Variants in RBFOX1 observed in about 807,000 individuals in gnomAD.
The protein encoded by RBFOX1 is RNA binding fox-1 homolog 1.
RBFOX1 carries 8 observed loss-of-function variants against 57.7 expected under a neutral mutation model. That is an observed-to-expected ratio of 0.14 (90% CI 0.08 to 0.25). RBFOX1 has a LOEUF of 0.25. RBFOX1 is among the 10% of genes least tolerant of loss of function. The pLI is 1.00. For synonymous variants in RBFOX1, 326 were observed against 222.4 expected, an observed-to-expected ratio of 1.47 and a Z score of -4.15; for missense variants, 611 against 548.5, an observed-to-expected ratio of 1.11 and a Z score of -1.14.
chr16:6,263,492 G>T (rs1297448996), intron 1 of RBFOX1, among the ~76,000 whole-genome samples: 1 of 152,128 alleles, frequency 6.6e-6, no homozygotes, highest in Admixed American at 6.5e-5. Flanking sequence ...GAGCAGTGCA[G>T]CCTCCATTTA....
chr16:5,775,810 AAAT>A (rs1384188003), intron 3 of RBFOX1, among the ~76,000 whole-genome samples: 3 of 152,252 alleles, frequency 2.0e-5, no homozygotes, highest in Non-Finnish European at 4.4e-5. Context: ...AGATGAAAGA[AAAT>A]AATTTCTGAC....
chr16:6,801,908 C>G (rs1012312514), intron 3 of RBFOX1, among the ~76,000 whole-genome samples: 1 of 151,992 alleles, frequency 6.6e-6, no homozygotes, highest in African/African-American at 2.4e-5. Flanking sequence ...AGATCTGAGT[C>G]CTGAGGACCT....
At chr16:7,408,052 A>T (rs1047549694) in intron 4 of RBFOX1, among the ~76,000 whole-genome samples, 4 of 152,350 alleles carry the variant, frequency 2.6e-5, no homozygotes, top group African/African-American at 9.6e-5. Context: ...CTTGCTTTAC[A>T]CAACTGGATG....
At chr16:6,043,118 C>CCGAAAAAAA (rs2095456683) in intron 1 of RBFOX1, among the ~76,000 whole-genome samples, 1 of 37,752 alleles carries the variant, frequency 2.6e-5, no homozygotes, top group African/African-American at 9.4e-5. Context: ...ATTGTGTTTC[C>CCGAAAAAAA]AGAAAAAAAA....
chr16:6,995,836 G>C (rs1000063415), intron 3 of RBFOX1, among the ~76,000 whole-genome samples: 1 of 152,084 alleles, frequency 6.6e-6, no homozygotes, highest in Middle Eastern at 3.2e-3. Flanking sequence ...CTTGAGATTG[G>C]TTCAGATTTT....
At chr16:6,312,336 A>G (rs1482513030) in intron 1 of RBFOX1, among the ~76,000 whole-genome samples, 1 of 151,876 alleles carries the variant, frequency 6.6e-6, no homozygotes, top group Non-Finnish European at 1.5e-5. Flanking sequence ...ACCCTCCTCC[A>G]TGGCTCTTCC....
At chr16:6,858,060 C>G (rs905124589) in intron 3 of RBFOX1, among the ~76,000 whole-genome samples, 1 of 152,092 alleles carries the variant, frequency 6.6e-6, no homozygotes, top group African/African-American at 2.4e-5. Context: ...CAAGAATGGC[C>G]TTGCTTAAAG....
intron 2 of RBFOX1, among the ~76,000 whole-genome samples, chr16:6,431,041 G>C (rs1258846564): frequency 6.6e-6 from 1 of 152,038 alleles, no homozygotes; most frequent in Admixed American, 6.6e-5. Context: ...GGGAGGCTGA[G>C]GAGGGAGGAT....
At chr16:7,085,615 G>A (rs940900191) in intron 4 of RBFOX1, among the ~76,000 whole-genome samples, 1 of 152,054 alleles carries the variant, frequency 6.6e-6, no homozygotes, top group Admixed American at 6.6e-5. Context: ...AAAGAGTAGG[G>A]TGCTTAGTTA....
chr16:6,758,916 C>CG lies in RBFOX1; in HGVS notation c.-16+104273dup, dbSNP rs576969410. Among the ~76,000 whole-genome samples, 23 of 151,746 alleles carry CG rather than the reference C, an allele frequency of 1.5e-4. No individual in the cohort carries two copies. The South Asian group carries it at 2.3e-3, about 15-fold the overall frequency. ...TGAAGGTGACATGTGTTCAGGGAGT[C>CG]GGGGGGGAAAGAGTTTAGAAAGAGG... On this transcript the variant is annotated intron_variant, in intron 3 of 15. Transcript: ENST00000550418.
At chr16:5,344,243 C>G (rs2065093184) in intron 1 of RBFOX1, among the ~76,000 whole-genome samples, 1 of 152,192 alleles carries the variant, frequency 6.6e-6, no homozygotes, top group Non-Finnish European at 1.5e-5. Flanking sequence ...TTTGGGTTCT[C>G]TCCCATGTCC....
chr16:6,033,094 T>C (rs1469803357), intron 1 of RBFOX1, among the ~76,000 whole-genome samples: 1 of 152,138 alleles, frequency 6.6e-6, no homozygotes, highest in African/African-American at 2.4e-5. Flanking sequence ...GCAGTTTACG[T>C]TGTTACCGTG....
chr16:6,240,966 T>C (rs1208876349), intron 1 of RBFOX1, among the ~76,000 whole-genome samples: 1 of 152,214 alleles, frequency 6.6e-6, no homozygotes, highest in Non-Finnish European at 1.5e-5. Flanking sequence ...CCTGATGTTT[T>C]TCCCCTTTAC....
At chr16:7,616,289 C>T (rs886838738) in intron 10 of RBFOX1, among the ~76,000 whole-genome samples, 1 of 152,246 alleles carries the variant, frequency 6.6e-6, no homozygotes, top group African/African-American at 2.4e-5. Flanking sequence ...TGTCCTCTCA[C>T]CGTGCAGTCA....
intron 4 of RBFOX1, among the ~76,000 whole-genome samples, chr16:7,071,414 C>G (rs1189831571): frequency 6.6e-6 from 1 of 152,000 alleles, no homozygotes; most frequent in African/African-American, 2.4e-5. Flanking sequence ...CTCCTAGCCT[C>G]CTAGCTGCAG....
chr16:5,304,250 C>G (rs1306620085), intron 1 of RBFOX1, among the ~76,000 whole-genome samples: 1 of 152,132 alleles, frequency 6.6e-6, no homozygotes, highest in African/African-American at 2.4e-5. Flanking sequence ...AATTTAAAGG[C>G]TTAAGTTTTG....
chr16:6,931,575 A>G (rs1718002159), intron 3 of RBFOX1, among the ~76,000 whole-genome samples: 1 of 152,012 alleles, frequency 6.6e-6, no homozygotes, highest in Non-Finnish European at 1.5e-5. Flanking sequence ...CACTCTTGCC[A>G]CCCTACAATG....
intron 3 of RBFOX1, among the ~76,000 whole-genome samples, chr16:6,738,890 A>C (rs1339852891): frequency 4.6e-5 from 7 of 152,226 alleles, no homozygotes; most frequent in African/African-American, 1.4e-4. Flanking sequence ...GTAATCCATG[A>C]GTTGAAAATG....
At position 5,769,124 on chromosome 16, in the gene RBFOX1, A is replaced by C. The variant is rs113567818; in HGVS notation, c.319-98179A>C. Among the ~76,000 whole-genome samples the C allele has an allele frequency of 1.7e-3, 257 of 152,270 alleles. 1 individual carries two copies. The highest frequency in any genetic ancestry group is 5.8e-3 in the African/African-American group (241 of 41,544). ...TATTGATATATAGGATATGGAAGAG[A>C]GGTGAGTGACTGCATTTAAACCTGA... is the stretch of plus-strand genomic sequence containing the variant. On this transcript the variant is annotated intron_variant, in intron 3 of 19. Transcript: ENST00000641259.
Sources: allele counts gnomAD v4.1 joint callset (sites outside exome capture counted in the v4.1 genomes callset), GRCh38; gene constraint gnomAD v4.1.1; transcripts MANE v1.5; gene names NCBI Gene and HGNC (gene_info 2026-07-23, HGNC 2026-07-21).